ABCC11: variants seen among roughly 807,000 people sequenced by gnomAD.
ABCC11 encodes ATP binding cassette subfamily C member 11, also known as ATP-binding cassette sub-family C member 11.
In ABCC11, 135 loss-of-function variants were observed where a neutral mutation model predicts 149.3. That is an observed-to-expected ratio of 0.90 (90% confidence interval 0.79 to 1.04). The LOEUF is 1.04. Among genes scored for constraint, ABCC11 ranks in the 50% least tolerant of loss-of-function variants. The pLI is 0.00. For synonymous variants in ABCC11, 665 were observed against 671.4 expected, an observed-to-expected ratio of 0.99 and a Z score of 0.15; for missense variants, 1,680 against 1,722.1, an observed-to-expected ratio of 0.98 and a Z score of 0.43.
At chr16:48,171,298 G>C (rs1262646524) in intron 26 of ABCC11, among the ~76,000 whole-genome samples, 1 of 152,192 alleles carries the variant, frequency 6.6e-6, no homozygotes, top group African/African-American at 2.4e-5. Flanking sequence ...TGCTTAGCTT[G>C]GGGTGGGAAA....
intron 1 of ABCC11, among the ~76,000 whole-genome samples, chr16:48,240,493 G>A (rs118090889): frequency 0.027 from 4,147 of 152,096 alleles, 71 homozygotes; most frequent in Non-Finnish European, 0.037. Flanking sequence ...ATGGTCACAT[G>A]GCGGGGGAAC....
chr16:48,224,089 A>G (rs1335916496), intron 5 of ABCC11, among the ~76,000 whole-genome samples, 193 bp downstream of exon 5: 1 of 152,176 alleles, frequency 6.6e-6, no homozygotes, highest in African/African-American at 2.4e-5. Flanking sequence ...CAGTGGCTAC[A>G]GGGCCACTCC....
chr16:48,167,641 G>C lies in ABCC11; in HGVS notation c.3911C>G (p.Ala1304Gly). ...TGTCTCCATGTCAATGGAGGCTGTG[G>C]CTTCATCGATAAGGATGATCTGATG... ...RNSKIILIDEATASIDMETDT... is the reference protein window; with the variant it reads ...RNSKIILIDEGTASIDMETDT... Residue 1304 changes from alanine to glycine, a missense_variant, in exon 29 of 30, where the codon GCC becomes GGC. By Grantham distance (60) the Ala-to-Gly change is moderately conservative. Transcript: ENST00000356608. The C allele has an allele frequency of 6.2e-7, 1 of 1,614,176 alleles. No homozygotes were observed. The highest frequency in any genetic ancestry group is 8.5e-7 in the Non-Finnish European group (1 of 1,180,028).
chr16:48,225,431 C>T (rs558673846), intron 4 of ABCC11, among the ~76,000 whole-genome samples: 1 of 152,260 alleles, frequency 6.6e-6, no homozygotes, highest in African/African-American at 2.4e-5. Flanking sequence ...ATTTCTATGC[C>T]ATTTATTTGT....
intron 20 of ABCC11, among the ~76,000 whole-genome samples, chr16:48,188,136 G>T (rs1337680531): frequency 6.6e-6 from 1 of 152,188 alleles, no homozygotes; most frequent in African/African-American, 2.4e-5. Flanking sequence ...CTGCAAACCT[G>T]CCCTGAGCTG....
At chr16:48,176,400 A>G (rs887168735) in intron 25 of ABCC11, among the ~76,000 whole-genome samples, 18 of 152,176 alleles carry the variant, frequency 1.2e-4, no homozygotes, top group Admixed American at 4.6e-4. Context: ...AGGGAGAGAA[A>G]CTGAGGAGGA....
chr16:48,236,592 T>G (rs1970700414), intron 1 of ABCC11, among the ~76,000 whole-genome samples: 1 of 152,196 alleles, frequency 6.6e-6, no homozygotes, highest in African/African-American at 2.4e-5. Context: ...ATAACAAATA[T>G]TCAATGGATC....
At chr16:48,233,972 T>A (rs180875395) in intron 1 of ABCC11, among the ~76,000 whole-genome samples, 1 of 152,252 alleles carries the variant, frequency 6.6e-6, no homozygotes, top group Non-Finnish European at 1.5e-5. Context: ...TATTCCCTTA[T>A]TTTATTTTAC....
intron 1 of ABCC11, among the ~76,000 whole-genome samples, chr16:48,232,644 G>T (rs1467937473): frequency 3.3e-5 from 5 of 152,154 alleles, no homozygotes; most frequent in African/African-American, 9.7e-5. Context: ...TGGGACAGGA[G>T]AGAAGGTAGT....
chr16:48,176,569 C>T (rs966468548), intron 25 of ABCC11, among the ~76,000 whole-genome samples: 8 of 152,098 alleles, frequency 5.3e-5, no homozygotes, highest in Non-Finnish European at 7.4e-5. Flanking sequence ...TGCTCCTGCC[C>T]GGACCCTATA....
At chr16:48,225,116 G>A (rs1217488358) in intron 4 of ABCC11, among the ~76,000 whole-genome samples, 3 of 152,050 alleles carry the variant, frequency 2.0e-5, no homozygotes, top group East Asian at 3.8e-4. Context: ...GGAGGCTGAG[G>A]CAGGAGAATG....
intron 6 of ABCC11, among the ~76,000 whole-genome samples, chr16:48,217,760 G>A (rs961674981): frequency 2.0e-5 from 3 of 152,164 alleles, no homozygotes; most frequent in African/African-American, 4.8e-5. Flanking sequence ...CCTAGTGGGA[G>A]CCTTTAAAAC....
chr16:48,207,189 G>C (rs1217062811), intron 12 of ABCC11, among the ~76,000 whole-genome samples: 5 of 152,140 alleles, frequency 3.3e-5, no homozygotes. Context: ...GAAGAAGAAG[G>C]GGGAAGAGAT....
intron 6 of ABCC11, among the ~76,000 whole-genome samples, chr16:48,217,285 C>T (rs1969410825): frequency 6.6e-6 from 1 of 151,914 alleles, no homozygotes; most frequent in African/African-American, 2.4e-5. Context: ...ATTCTTCTGC[C>T]TACTTCCCTC....
At position 48,240,712 on chromosome 16, in the gene ABCC11, T is replaced by C. The variant is rs544760305; in HGVS notation, c.-19+6602A>G. On this transcript the variant is annotated intron_variant, in intron 1 of 29. Transcript: ENST00000356608. ...GGTTGGTGCAAAAGTAATTGCGGTT[T>C]CTTGCCATTACTTTTGCACCAACCT... is the stretch of plus-strand genomic sequence containing the variant. Among the ~76,000 whole-genome samples the C allele has an allele frequency of 7.2e-5, 11 of 151,948 alleles. 1 individual carries two copies. In the South Asian group the frequency reaches 2.3e-3, roughly 32 times the overall value.
At chr16:48,167,465 C>T in intron 29 of ABCC11, 31 bp downstream of exon 29, 1 of 1,613,068 alleles carries the variant, frequency 6.2e-7, no homozygotes, top group East Asian at 2.2e-5. Context: ...GAGCCCTCAT[C>T]CTCCCACCAG....
At chr16:48,184,149 C>T (rs893716440) in intron 23 of ABCC11, among the ~76,000 whole-genome samples, 4 of 152,228 alleles carry the variant, frequency 2.6e-5, no homozygotes, top group African/African-American at 9.6e-5. Flanking sequence ...TCAGTTTCCC[C>T]ATCTGCATAA....
chr16:48,205,360 C>T (rs112664229), intron 13 of ABCC11, 53 bp downstream of exon 13: 9 of 1,607,944 alleles, frequency 5.6e-6, no homozygotes, highest in African/African-American at 5.3e-5. Context: ...CTGGAGGTGC[C>T]CCCAGACCAG....
intron 1 of ABCC11, chr16:48,235,159 C>A (rs1323121010): frequency 6.6e-6 from 1 of 152,174 alleles, no homozygotes; most frequent in Non-Finnish European, 1.5e-5. Context: ...ATTTGCCAAC[C>A]TGGTTTATTC....
Sources: gnomAD v4.1 joint callset for allele counts (sites outside exome capture counted in the v4.1 genomes callset) on GRCh38, gnomAD v4.1.1 for gene constraint, MANE v1.5 for transcripts, NCBI Gene and HGNC (gene_info 2026-07-23, HGNC 2026-07-21) for gene names.